The following ERC2 variants were observed in gnomAD, a reference collection of about 807,000 sequenced individuals.
ERC2 encodes the protein ELKS/RAB6-interacting/CAST family member 2.
A neutral mutation model predicts 114.8 loss-of-function variants in ERC2; 42 were observed. The observed-to-expected ratio is 0.37, with a 90% CI of 0.29 to 0.47. The LOEUF is 0.47. Among genes scored for constraint, ERC2 ranks in the 20% least tolerant of loss-of-function variants. ERC2 has a pLI of 0.99. For synonymous variants in ERC2, 454 were observed against 425.5 expected, an observed-to-expected ratio of 1.07 and a Z score of -0.82; for missense variants, 939 against 1,150.7, an observed-to-expected ratio of 0.82 and a Z score of 2.66.
At chr3:56,333,775 T>C (rs1353238524) in intron 2 of ERC2, among the ~76,000 whole-genome samples, 1 of 152,184 alleles carries the variant, frequency 6.6e-6, no homozygotes, top group African/African-American at 2.4e-5. Context: ...CTTCAGGAAA[T>C]TGACTTGCAA....
At chr3:56,235,793 A>T (rs2050903927) in intron 3 of ERC2, among the ~76,000 whole-genome samples, 1 of 152,222 alleles carries the variant, frequency 6.6e-6, no homozygotes, top group Non-Finnish European at 1.5e-5. Flanking sequence ...CCACATTTTA[A>T]GTACTAATAG....
intron 13 of ERC2, among the ~76,000 whole-genome samples, chr3:55,930,525 T>C (rs980345055): frequency 1.3e-5 from 2 of 152,128 alleles, no homozygotes; most frequent in African/African-American, 2.4e-5. Flanking sequence ...ATTTAATAAA[T>C]GGTGTTGGGA....
chr3:55,821,578 A>T (rs370733988), intron 14 of ERC2, among the ~76,000 whole-genome samples: 2 of 152,196 alleles, frequency 1.3e-5, no homozygotes, highest in African/African-American at 4.8e-5. Flanking sequence ...GATGTGCAAA[A>T]CTTGAGAGAA....
intron 14 of ERC2, among the ~76,000 whole-genome samples, chr3:55,806,860 T>C (rs567415695): frequency 7.9e-5 from 12 of 152,338 alleles, no homozygotes; most frequent in Middle Eastern, 3.4e-3. Context: ...AGTGTGTTTA[T>C]CTGTTAAATG....
chr3:56,039,636 G>GA (rs200497029), intron 7 of ERC2, among the ~76,000 whole-genome samples: 22,215 of 150,990 alleles, frequency 0.15, 1,737 homozygotes, highest in East Asian at 0.2. Flanking sequence ...CACAGAAATA[G>GA]AAAAAAAAAT....
At chr3:56,037,155 T>C (rs1398816520) in intron 7 of ERC2, among the ~76,000 whole-genome samples, 1 of 152,176 alleles carries the variant, frequency 6.6e-6, no homozygotes, top group Non-Finnish European at 1.5e-5. Flanking sequence ...CTCTAAGTGA[T>C]TGCAATACAT....
chr3:55,749,624 C>G (rs1403108169), intron 14 of ERC2, among the ~76,000 whole-genome samples: 1 of 152,192 alleles, frequency 6.6e-6, no homozygotes, highest in East Asian at 1.9e-4. Context: ...ACACACCAAT[C>G]AGCAGGATTC....
At position 55,796,829 on chromosome 3, in the gene ERC2, T is replaced by C. The variant is rs113135123; in HGVS notation, c.2565-61911A>G. ...CACACTACTCGCAAGCCTAATATAT[T>C]TACTATCTGGCCTTTTAAGAAAAAG... On this transcript the variant is annotated intron_variant, in intron 14 of 17. Coordinates refer to ENST00000288221, the MANE Select transcript of ERC2 (RefSeq NM_015576.3). 2.8e-3 allele frequency among the ~76,000 whole-genome samples: 428 copies of C among 152,314 alleles called. 1 individual carries two copies. The highest frequency in any genetic ancestry group is 9.8e-3 in the African/African-American group (407 of 41,568).
At chr3:55,540,952 C>T (rs1352730825) in intron 17 of ERC2, among the ~76,000 whole-genome samples, 1 of 152,158 alleles carries the variant, frequency 6.6e-6, no homozygotes, top group African/African-American at 2.4e-5. Flanking sequence ...GTCTGGCTCC[C>T]ACTCCCTATG....
At chr3:56,091,974 C>G (rs1367322928) in intron 6 of ERC2, among the ~76,000 whole-genome samples, 1 of 151,916 alleles carries the variant, frequency 6.6e-6, no homozygotes, top group Non-Finnish European at 1.5e-5. Flanking sequence ...GAAAAAAAAC[C>G]TATATTATAT....
chr3:55,779,006 C>T (rs890018326), intron 14 of ERC2, among the ~76,000 whole-genome samples: 3 of 151,272 alleles, frequency 2.0e-5, no homozygotes, highest in Non-Finnish European at 4.4e-5. Flanking sequence ...AATACTCTAG[C>T]AAAACAAAAA....
chr3:55,767,838 G>A (rs543528437), intron 14 of ERC2, among the ~76,000 whole-genome samples: 69 of 152,236 alleles, frequency 4.5e-4, no homozygotes, highest in African/African-American at 1.6e-3. Flanking sequence ...AACATTTGGG[G>A]GTCTACTGAG....
intron 14 of ERC2, among the ~76,000 whole-genome samples, chr3:55,790,419 G>C (rs888491384): frequency 6.6e-6 from 1 of 152,166 alleles, no homozygotes. Flanking sequence ...GCCCTGGCCA[G>C]TGCCTCACCC....
chr3:56,342,803 T>G (rs1417711501), intron 2 of ERC2, among the ~76,000 whole-genome samples: 1 of 152,034 alleles, frequency 6.6e-6, no homozygotes, highest in Non-Finnish European at 1.5e-5. Flanking sequence ...CCGAATAGAG[T>G]GGAGTAGAGA....
At chr3:56,288,254 TGA>T (rs2054853209) in intron 3 of ERC2, among the ~76,000 whole-genome samples, 1 of 152,094 alleles carries the variant, frequency 6.6e-6, no homozygotes, top group Non-Finnish European at 1.5e-5. Context: ...TCATCACAAA[TGA>T]TGATGATGAT....
At position 55,607,663 on chromosome 3, in the gene ERC2, C is replaced by A. The variant is rs190445012; in HGVS notation, c.*39+76131G>T. ...AAGAGAGAAAAAAAAAACAATAATGCAGAGTTGAACTGCTACGGAATAGAC... is the reference window on the plus strand; with the variant it reads ...AAGAGAGAAAAAAAAAACAATAATGAAGAGTTGAACTGCTACGGAATAGAC... On this transcript the variant is annotated intron_variant, in intron 17 of 17. Transcript: ENST00000288221. 2.2e-4 allele frequency among the ~76,000 whole-genome samples: 31 copies of A among 142,074 alleles called. No individual in the cohort carries two copies. The East Asian group carries it at 5.4e-3, about 25-fold the overall frequency. 93.2% of individuals were successfully genotyped at this position (142,074 alleles called of 152,430 possible).
intron 3 of ERC2, among the ~76,000 whole-genome samples, chr3:56,256,883 C>A (rs2052553526): frequency 6.6e-6 from 1 of 152,106 alleles, no homozygotes; most frequent in African/African-American, 2.4e-5. Flanking sequence ...TTCCTGAGGC[C>A]TCCCCAGCCA....
intron 14 of ERC2, among the ~76,000 whole-genome samples, chr3:55,770,789 C>A (rs1431476249): frequency 6.6e-6 from 1 of 152,040 alleles, no homozygotes; most frequent in Non-Finnish European, 1.5e-5. Flanking sequence ...AATGCTCTCC[C>A]TCCCCTTGCC....
chr3:55,967,818 C>T (rs528948141), intron 12 of ERC2, among the ~76,000 whole-genome samples: 1 of 152,234 alleles, frequency 6.6e-6, no homozygotes, highest in Admixed American at 6.5e-5. Flanking sequence ...ACAAGTTCAG[C>T]CCTCTCTCAC....
Sources: allele counts gnomAD v4.1 joint callset (sites outside exome capture counted in the v4.1 genomes callset), GRCh38; gene constraint gnomAD v4.1.1; transcripts MANE v1.5; gene names NCBI Gene and HGNC (gene_info 2026-07-23, HGNC 2026-07-21).